The following GNPAT variants were observed in gnomAD, a reference collection of about 807,000 sequenced individuals.
GNPAT encodes dihydroxyacetone phosphate acyltransferase.
GNPAT carries 30 observed loss-of-function variants against 78.4 expected under a neutral mutation model. The observed-to-expected ratio is 0.38, with a 90% CI of 0.29 to 0.52. The LOEUF (loss-of-function observed/expected upper bound fraction) is 0.52, where lower values mean the gene tolerates loss of function less well. Ranked by LOEUF, GNPAT falls within the 20% of genes least tolerant of loss-of-function variation. GNPAT has a pLI of 0.84. For synonymous variants in GNPAT, 271 were observed against 281.1 expected, an observed-to-expected ratio of 0.96 and a Z score of 0.36; for missense variants, 714 against 812.2, an observed-to-expected ratio of 0.88 and a Z score of 1.47.
intron 8 of GNPAT, among the ~76,000 whole-genome samples, chr1:231,267,253 A>G (rs1231649225): frequency 6.6e-6 from 1 of 152,236 alleles, no homozygotes; most frequent in Non-Finnish European, 1.5e-5. Flanking sequence ...GAAGTCAGAC[A>G]AACTGAATGG....
At chr1:231,257,321 A>G (rs1404598553) in intron 2 of GNPAT, among the ~76,000 whole-genome samples, 1 of 151,770 alleles carries the variant, frequency 6.6e-6, no homozygotes. Context: ...CTCTTTCCCT[A>G]CTTTTCCTGC....
Position 231,266,426 on chromosome 1 carries a change from T to C in GNPAT, c.1055+19T>C. The C allele has an allele frequency of 6.8e-6, 11 of 1,607,766 alleles. No individual in the cohort carries two copies. Among genetic ancestry groups the C allele is most frequent in the Non-Finnish European group, 8.5e-6 (10 of 1,174,204 alleles). On this transcript the variant is annotated intron_variant, in intron 8 of 15. Coordinates refer to ENST00000366647, the MANE Select transcript of GNPAT (RefSeq NM_014236.4). ...TTCCAAGGTGTGACCTGTGTTTTAA[T>C]AACTGTCTTAGAAATGAGGATTAAA...
chr1:231,274,344 T>C (rs1403806301), intron 12 of GNPAT, among the ~76,000 whole-genome samples: 1 of 152,264 alleles, frequency 6.6e-6, no homozygotes, highest in East Asian at 1.9e-4. Context: ...ACGCATCATC[T>C]GTCATACTGT....
chr1:231,241,284 G>C lies in GNPAT; in HGVS notation c.-95G>C. The stretch of plus-strand genomic sequence containing the variant: ...AGAGGGTGCCGCCGCCCTAGGCGAA[G>C]TAGGGCCGTCCTGAGCGAAAGAACC... On this transcript the variant is annotated 5_prime_UTR_variant, in exon 1 of 16. Transcript: ENST00000366647. The C allele has an allele frequency of 2.1e-6, 3 of 1,402,430 alleles. No homozygotes were observed. The allele number at this position is 1,402,430 out of a possible 1,614,324, so 86.9% of individuals were successfully genotyped here. A position where few individuals can be genotyped will look rare whatever the true frequency, so the allele number is the denominator to read the frequency against.
At chr1:231,250,397 A>G (rs1397914877) in intron 1 of GNPAT, among the ~76,000 whole-genome samples, 1 of 152,112 alleles carries the variant, frequency 6.6e-6, no homozygotes. Context: ...GTGGCACTGT[A>G]CTCCAGCCTG....
intron 15 of GNPAT, among the ~76,000 whole-genome samples, 166 bp downstream of exon 15, chr1:231,276,362 C>A (rs975588021): frequency 1.3e-5 from 2 of 152,132 alleles, no homozygotes; most frequent in Admixed American, 1.3e-4. Flanking sequence ...AGGAAGCTAA[C>A]GAGAAAGCAC....
rs1685588283 is a variant in GNPAT, at chr1:231,272,188, C to A, written c.1523-124C>A. 2.7e-5 allele frequency: 18 copies of A among 675,620 alleles called. 1 individual carries two copies. The highest frequency in any genetic ancestry group is 2.5e-4 in the South Asian group (18 of 72,486). The allele number at this position is 675,620 out of a possible 1,614,324, so 41.9% of individuals were successfully genotyped here. ...TTAGCTTCCCTCAGGGGACTTAATTCTTGTCCCTGTTACATGAATAAAATA... is the reference window on the plus strand; with the variant it reads ...TTAGCTTCCCTCAGGGGACTTAATTATTGTCCCTGTTACATGAATAAAATA... On this transcript the variant is annotated intron_variant, in intron 10 of 15. Coordinates refer to ENST00000366647, the MANE Select transcript of GNPAT (RefSeq NM_014236.4).
chr1:231,241,402 C>T lies in GNPAT; in HGVS notation c.24C>T (p.Asn8=), dbSNP rs778273246. 2 of 1,613,914 alleles carry T rather than the reference C, an allele frequency of 1.2e-6. No individual in the cohort carries two copies. The highest frequency in any genetic ancestry group is 1.7e-6 in the Non-Finnish European group (2 of 1,179,756). Residue 8 remains asparagine (N), a synonymous_variant, in exon 1 of 16, where the codon AAC becomes AAT. Coordinates refer to ENST00000366647, the MANE Select transcript of GNPAT (RefSeq NM_014236.4). ...CCATGGAGTCTTCCAGTTCATCTAA[C>T]TCTTATTTCTCCGTTGGCCCAACCA... is the stretch of plus-strand genomic sequence containing the variant. MESSSSS[N]SYFSVGPTSP...
At chr1:231,275,022 A>C (rs1432423499) in intron 12 of GNPAT, 199 bp from the exon 13 acceptor site, 1 of 550,658 alleles carries the variant, frequency 1.8e-6, no homozygotes, top group East Asian at 3.1e-5. Flanking sequence ...ATCTTTTTCT[A>C]ATTGTAAAAT....
intron 4 of GNPAT, among the ~76,000 whole-genome samples, chr1:231,264,839 C>G (rs1685331257): frequency 6.6e-6 from 1 of 152,192 alleles, no homozygotes; most frequent in South Asian, 2.1e-4. Flanking sequence ...ACATTGACAT[C>G]ATGACATTGT....
In GNPAT at chr1:231,266,656, TTC is replaced by T. The variant is rs148352683; in HGVS notation, c.1055+252_1055+253del. Among the ~76,000 whole-genome samples, 1,994 of 152,326 alleles carry T rather than the reference TTC, an allele frequency of 0.013. 30 individuals are homozygous for T. The highest frequency in any genetic ancestry group is 0.045 in the African/African-American group (1,887 of 41,566). On this transcript the variant is annotated intron_variant, in intron 8 of 15. Coordinates refer to ENST00000366647, the MANE Select transcript of GNPAT (RefSeq NM_014236.4). ...ATGCAAAATCAGACAATGATCATGT[TTC>T]TCAAGGGAACTAAAGTGGGAATAAA...
At chr1:231,254,429 A>G (rs1684985066) in intron 2 of GNPAT, among the ~76,000 whole-genome samples, 4 of 151,798 alleles carry the variant, frequency 2.6e-5, no homozygotes, top group Non-Finnish European at 5.9e-5. Context: ...TTTTTCTTCC[A>G]GTGTCACAGT....
intron 3 of GNPAT, 67 bp downstream of exon 3, chr1:231,260,750 A>G: frequency 1.8e-6 from 2 of 1,107,294 alleles, no homozygotes; most frequent in Non-Finnish European, 2.7e-6. Flanking sequence ...AAAAAAAAAA[A>G]CAGTCTCTTT....
chr1:231,276,206 G>C lies in GNPAT; in HGVS notation c.1999+10G>C. The C allele has an allele frequency of 7.3e-7, 1 of 1,362,446 alleles. No homozygotes were observed. The highest frequency in any genetic ancestry group is 1.2e-5 in the South Asian group (1 of 85,356). The allele number at this position is 1,362,446 out of a possible 1,614,324, so 84.4% of individuals were successfully genotyped here. ...TTAGAAGAAATGCTTGGTAAGTGCA[G>C]TTTAATAAAATACAAGTTTTCACAT... On this transcript the variant is annotated intron_variant, in intron 15 of 15. Transcript: ENST00000366647.
chr1:231,276,766 A>G (rs953081086), intron 15 of GNPAT, among the ~76,000 whole-genome samples: 1 of 152,210 alleles, frequency 6.6e-6, no homozygotes, highest in Non-Finnish European at 1.5e-5. Flanking sequence ...CAGAGGTACA[A>G]TCAGAGGGGG....
intron 3 of GNPAT, among the ~76,000 whole-genome samples, chr1:231,261,955 T>C (rs1201126682): frequency 1.3e-5 from 2 of 152,200 alleles, no homozygotes; most frequent in African/African-American, 4.8e-5. Context: ...TGTCAGAGAA[T>C]GTTACAGTGT....
In GNPAT at chr1:231,266,023, A is replaced by G; in HGVS notation, c.782A>G (p.Asn261Ser). Residue 261 changes from asparagine (N) to serine (S), a missense_variant, in exon 7 of 16, where the codon AAT becomes AGT. Transcript: ENST00000366647. ...KTLTPKFGLL[N>S]IVMEPFFKRE... is the part of the protein sequence containing the mutation. Reference sequence around the variant, plus strand: ...TCCCTGTGTTTTGCAGGTCTTCTGAATATTGTGATGGAGCCATTTTTTAAA... The same window carrying G: ...TCCCTGTGTTTTGCAGGTCTTCTGAGTATTGTGATGGAGCCATTTTTTAAA... 1 of 1,612,398 alleles carries G rather than the reference A, an allele frequency of 6.2e-7. No homozygotes were observed. The highest frequency in any genetic ancestry group is 8.5e-7 in the Non-Finnish European group (1 of 1,179,184).
chr1:231,252,621 C>T (rs976772654), intron 2 of GNPAT, among the ~76,000 whole-genome samples: 18 of 152,092 alleles, frequency 1.2e-4, no homozygotes, highest in South Asian at 6.2e-4. Flanking sequence ...GCAGCAGTCT[C>T]CTATTGCTCC....
Position 231,275,427 on chromosome 1 carries a change from A to T in GNPAT, c.1866A>T (p.Val622=). ...LDQGTSQCYD[V]LSSDVQKNAL... is the part of the protein sequence containing the mutation. The stretch of plus-strand genomic sequence containing the variant: ...TAGGTACCTCTCAATGTTATGATGT[A>T]TTATCTTCTGATGTGCAGAAAAACG... Residue 622 remains valine, a synonymous_variant, in exon 14 of 16, where the codon GTA becomes GTT. Transcript: ENST00000366647. 1 of 1,610,772 alleles carries T rather than the reference A, an allele frequency of 6.2e-7. No homozygotes were observed. Among genetic ancestry groups the T allele is most frequent in the Non-Finnish European group, 8.5e-7 (1 of 1,176,906 alleles).
Sources: gnomAD v4.1 joint callset for allele counts (sites outside exome capture counted in the v4.1 genomes callset) on GRCh38, gnomAD v4.1.1 for gene constraint, MANE v1.5 for transcripts, NCBI Gene and HGNC (gene_info 2026-07-23, HGNC 2026-07-21) for gene names.